SLC39A11: variants seen among roughly 807,000 people sequenced by gnomAD.
The protein encoded by SLC39A11 is zinc transporter ZIP11.
In SLC39A11, 33 loss-of-function variants were observed where a neutral mutation model predicts 36.1. That is an observed-to-expected ratio of 0.91 (90% CI 0.69 to 1.22). The LOEUF is 1.22. Among genes scored for constraint, SLC39A11 ranks in the 50% most tolerant of loss-of-function variants. The pLI, the probability that SLC39A11 is intolerant of heterozygous loss-of-function variation, is 0.00. For synonymous variants in SLC39A11, 166 were observed against 170.3 expected (o/e 0.97, Z 0.20); for missense variants, 432 against 430.3 (o/e 1.00, Z -0.03).
At chr17:73,070,716 C>T (rs899258297) in intron 3 of SLC39A11, among the ~76,000 whole-genome samples, 9 of 152,028 alleles carry the variant, frequency 5.9e-5, no homozygotes, top group South Asian at 2.1e-4. Context: ...ATCATGAGGG[C>T]GGGCCTTTCC....
At chr17:72,754,037 TATATATATACACATACACACACAC>T (rs1393520183) in intron 6 of SLC39A11, among the ~76,000 whole-genome samples, 92 of 119,632 alleles carry the variant, frequency 7.7e-4, no homozygotes, top group African/African-American at 2.8e-3. Flanking sequence ...TATATATATA[TATATATATACACATACACACACAC>T]ACACACACAC....
At chr17:72,906,098 T>C (rs2082644689) in intron 5 of SLC39A11, among the ~76,000 whole-genome samples, 1 of 152,076 alleles carries the variant, frequency 6.6e-6, no homozygotes, top group African/African-American at 2.4e-5. Context: ...CACAACGAGC[T>C]AGAGTAGAGC....
chr17:73,089,485 C>A (rs8068198), intron 1 of SLC39A11, among the ~76,000 whole-genome samples: 1 of 151,874 alleles, frequency 6.6e-6, no homozygotes, highest in African/African-American at 2.4e-5. Flanking sequence ...ACCCGGAGCA[C>A]CCTCTGCAGC....
At chr17:72,797,806 C>T (rs534247405) in intron 6 of SLC39A11, among the ~76,000 whole-genome samples, 2 of 152,272 alleles carry the variant, frequency 1.3e-5, no homozygotes, top group African/African-American at 4.8e-5. Flanking sequence ...CTCATAACCA[C>T]TTCCTAATGC....
At chr17:72,684,073 G>A (rs1937679789) in intron 7 of SLC39A11, among the ~76,000 whole-genome samples, 1 of 152,158 alleles carries the variant, frequency 6.6e-6, no homozygotes, top group South Asian at 2.1e-4. Context: ...ACTCACCAGA[G>A]AGGTTTTTCT....
chr17:72,761,289 A>T (rs1269445956), intron 6 of SLC39A11, among the ~76,000 whole-genome samples: 1 of 151,880 alleles, frequency 6.6e-6, no homozygotes, highest in Non-Finnish European at 1.5e-5. Context: ...TAATTTTTGT[A>T]TATTTAGTAG....
intron 5 of SLC39A11, among the ~76,000 whole-genome samples, chr17:72,903,646 T>C (rs1042227424): frequency 6.6e-6 from 1 of 152,184 alleles, no homozygotes; most frequent in Non-Finnish European, 1.5e-5. Context: ...AGGTCATTTA[T>C]CTTCCTAGTT....
chr17:72,930,750 T>G (rs976027040), intron 5 of SLC39A11, among the ~76,000 whole-genome samples: 1 of 152,144 alleles, frequency 6.6e-6, no homozygotes, highest in African/African-American at 2.4e-5. Context: ...CCATCCTGAA[T>G]GTATGGTGGG....
intron 4 of SLC39A11, among the ~76,000 whole-genome samples, chr17:73,000,711 A>G (rs2089773208): frequency 6.6e-6 from 1 of 152,216 alleles, no homozygotes; most frequent in African/African-American, 2.4e-5. Context: ...CATATATCAT[A>G]TCACAAGGTC....
rs1394913449 is a variant in SLC39A11 at position 72,880,251 on chromosome 17, C to G, written c.431-30447G>C. On this transcript the variant is annotated intron_variant, in intron 5 of 9. Coordinates refer to ENST00000255559, the MANE Select transcript of SLC39A11 (RefSeq NM_139177.4). ...ACAGAGGACAGCAAAGTACGCCCCACTCTTCATGGGGTTTATGAAGAAGAA... is the reference window on the plus strand; with the variant it reads ...ACAGAGGACAGCAAAGTACGCCCCAGTCTTCATGGGGTTTATGAAGAAGAA... Among the ~76,000 whole-genome samples the G allele has an allele frequency of 2.6e-5, 4 of 152,332 alleles. No homozygotes were observed. In the East Asian group the frequency reaches 5.8e-4, roughly 22 times the overall value.
intron 7 of SLC39A11, among the ~76,000 whole-genome samples, chr17:72,707,852 G>A (rs558112040): frequency 6.6e-6 from 1 of 152,316 alleles, no homozygotes; most frequent in South Asian, 2.1e-4. Context: ...TCTCAAGCAT[G>A]GCAAAAATAT....
chr17:72,653,543 G>A (rs1384976597), intron 7 of SLC39A11, among the ~76,000 whole-genome samples: 1 of 151,436 alleles, frequency 6.6e-6, no homozygotes, highest in Non-Finnish European at 1.5e-5. Flanking sequence ...GGGTTCAAGC[G>A]ATTCTCCTGC....
intron 3 of SLC39A11, among the ~76,000 whole-genome samples, chr17:73,052,317 G>GAA (rs971479489): frequency 1.1e-3 from 166 of 146,248 alleles, no homozygotes; most frequent in African/African-American, 3.7e-3. Context: ...TGCTAGAGGG[G>GAA]AAAAAAAAAA....
At chr17:72,776,568 T>A (rs991024497) in intron 6 of SLC39A11, among the ~76,000 whole-genome samples, 2 of 151,646 alleles carry the variant, frequency 1.3e-5, no homozygotes, top group African/African-American at 4.9e-5. Flanking sequence ...TTGACTATTT[T>A]GTTTTTAATT....
chr17:72,894,908 C>T (rs533215927), intron 5 of SLC39A11, among the ~76,000 whole-genome samples: 23 of 152,020 alleles, frequency 1.5e-4, no homozygotes, highest in Non-Finnish European at 2.6e-4. Flanking sequence ...ACTGGGAGAC[C>T]GTCTTTCTAT....
intron 6 of SLC39A11, among the ~76,000 whole-genome samples, chr17:72,809,899 G>A (rs915261189): frequency 4.0e-5 from 6 of 151,792 alleles, no homozygotes; most frequent in Admixed American, 1.3e-4. Flanking sequence ...AAGAAACCTC[G>A]TCTCTACTAA....
intron 3 of SLC39A11, among the ~76,000 whole-genome samples, chr17:73,077,618 G>A (rs914110369): frequency 3.3e-5 from 5 of 152,110 alleles, no homozygotes; most frequent in African/African-American, 9.7e-5. Flanking sequence ...GTGAGATATC[G>A]CATCTGGCTC....
chr17:73,013,381 C>T (rs2090631311), intron 4 of SLC39A11, among the ~76,000 whole-genome samples: 1 of 152,274 alleles, frequency 6.6e-6, no homozygotes, highest in Non-Finnish European at 1.5e-5. Context: ...AGCCTCCGCA[C>T]TTGGCCCTGG....
chr17:72,981,342 C>G (rs1484425508), intron 4 of SLC39A11, among the ~76,000 whole-genome samples: 1 of 152,056 alleles, frequency 6.6e-6, no homozygotes, highest in African/African-American at 2.4e-5. Flanking sequence ...GTTTATTATT[C>G]ACCTTAGGAC....
Sources: gnomAD v4.1 joint callset for allele counts (sites outside exome capture counted in the v4.1 genomes callset) on GRCh38, gnomAD v4.1.1 for gene constraint, MANE v1.5 for transcripts, NCBI Gene and HGNC (gene_info 2026-07-23, HGNC 2026-07-21) for gene names.